Variants in GATA4 observed in about 807,000 individuals in gnomAD.
GATA4 encodes the protein transcription factor GATA-4.
GATA4 carries 7 observed loss-of-function variants against 37.9 expected under a neutral mutation model. The ratio of observed to expected loss-of-function variants is 0.18; its 90% CI spans 0.11 to 0.35. The LOEUF is 0.35. Among genes scored for constraint, GATA4 ranks in the 10% least tolerant of loss-of-function variants. GATA4 has a pLI of 1.00. For missense variants in GATA4, 647 were observed against 653.0 expected (o/e 0.99, Z 0.10); for synonymous variants, 372 against 292.6 (o/e 1.27, Z -2.77).
At chr8:11,754,890 C>G (rs573990164) in intron 4 of GATA4, among the ~76,000 whole-genome samples, 156 bp from the exon 5 acceptor site, 1 of 152,326 alleles carries the variant, frequency 6.6e-6, no homozygotes, top group East Asian at 1.9e-4. Flanking sequence ...ATTTCTTTCT[C>G]GCTGAGTTCC....
In GATA4 at chr8:11,756,970, G is replaced by T. The variant is rs779421943; in HGVS notation, c.1036G>T (p.Gly346Cys). The change falls in exon 6 of 7, where the codon GGT (glycine) becomes TGT (cysteine). Residue 346 changes from glycine (G) to cysteine (C), a missense_variant. Transcript: ENST00000532059. ...CAGTGAGAGCCTTCCTCCCGCCAGC[G>T]GTGCTTCCAGCAACTCCAGCAACGC... is the stretch of plus-strand genomic sequence containing the variant. Reference protein sequence around the residue: ...SGSESLPPASGASSNSSNATT... With the variant: ...SGSESLPPASCASSNSSNATT... The T allele has an allele frequency of 6.2e-7, 1 of 1,614,096 alleles. No homozygotes were observed. Among genetic ancestry groups the T allele is most frequent in the Non-Finnish European group, 8.5e-7 (1 of 1,180,044 alleles).
chr8:11,681,007 C>T (rs1193401297), intron 1 of GATA4: 1 of 943,116 alleles, frequency 1.1e-6, no homozygotes, highest in African/African-American at 1.8e-5. Context: ...CCCGCACCCC[C>T]GAATCCCATA....
chr8:11,708,052 G>T lies in GATA4; in HGVS notation c.-261G>T, dbSNP rs561017894. On this transcript the variant is annotated 5_prime_UTR_variant, in exon 2 of 7. Coordinates refer to ENST00000532059, the MANE Select transcript of GATA4 (RefSeq NM_001308093.3). This position sits in a 1 kb window ranked among gnomAD's most constrained non-coding sequence, Gnocchi z 6.7. The stretch of plus-strand genomic sequence containing the variant: ...TTCAGGCCCTGGGGTGAATTCAGCT[G>T]CTCCTACATCAGCTTCCGGAACCAC... The T allele has an allele frequency of 3.1e-5, 17 of 546,890 alleles. No individual in the cohort carries two copies. The highest frequency in any genetic ancestry group is 5.7e-5 in the Non-Finnish European group (17 of 299,040). The allele number at this position is 546,890 out of a possible 1,614,324, so 33.9% of individuals were successfully genotyped here.
At chr8:11,741,785 G>GA (rs1801752999) in intron 2 of GATA4, among the ~76,000 whole-genome samples, 1 of 152,232 alleles carries the variant, frequency 6.6e-6, no homozygotes, top group South Asian at 2.1e-4. Context: ...AAGTTTCTGA[G>GA]ATCAGACAAG....
intron 1 of GATA4, among the ~76,000 whole-genome samples, chr8:11,693,970 G>T (rs1284652955): frequency 1.3e-5 from 2 of 152,120 alleles, no homozygotes; most frequent in Non-Finnish European, 2.9e-5. Flanking sequence ...AAGAGTACTA[G>T]GTAAAAGAGA....
chr8:11,753,091 G>T (rs375673440), intron 4 of GATA4, among the ~76,000 whole-genome samples: 4 of 152,198 alleles, frequency 2.6e-5, no homozygotes, highest in Admixed American at 6.5e-5. Context: ...GGGCCTCAAA[G>T]AGCTATTTGT....
intron 1 of GATA4, among the ~76,000 whole-genome samples, chr8:11,679,968 C>T (rs1036964999): frequency 1.3e-5 from 2 of 152,228 alleles, no homozygotes; most frequent in Non-Finnish European, 2.9e-5. Flanking sequence ...TTGTTTCTCC[C>T]ACTCCCCGCA....
At position 11,759,880 on chromosome 8, in the gene GATA4, T is replaced by C. The variant is rs1291687171; in HGVS notation, c.*1405T>C. The C allele has an allele frequency of 6.6e-6, 1 of 152,660 alleles. No individual in the cohort carries two copies. Among genetic ancestry groups the C allele is most frequent in the Non-Finnish European group, 1.5e-5 (1 of 68,058 alleles). 9.5% of individuals were successfully genotyped at this position (152,660 alleles called of 1,614,324 possible). A position where few individuals can be genotyped will look rare whatever the true frequency, so the allele number is the denominator to read the frequency against. On this transcript the variant is annotated 3_prime_UTR_variant, in exon 7 of 7. Transcript: ENST00000532059. ...GATTCTGTTTTAATCATCATTTACA[T>C]TGTTTTCTTCCAAAGGCCCCCTCGT...
chr8:11,681,885 G>T (rs1798985295), intron 1 of GATA4, among the ~76,000 whole-genome samples: 1 of 152,174 alleles, frequency 6.6e-6, no homozygotes, highest in South Asian at 2.1e-4. Flanking sequence ...TGCGCCTTCA[G>T]ATGTGGTCTG....
chr8:11,749,173 C>T lies in GATA4; in HGVS notation c.786+88C>T. ...CATCCTCTGGTTTTGAATTTTGGAA[C>T]TTGAGGGTGTGCATCGGGGATTACG... On this transcript the variant is annotated intron_variant, in intron 3 of 6. Coordinates refer to ENST00000532059, the MANE Select transcript of GATA4 (RefSeq NM_001308093.3). The surrounding 1 kb of genome is among the most constrained non-coding windows in gnomAD (Gnocchi z 4.6). 7.3e-7 allele frequency: 1 copy of T among 1,375,888 alleles called. No homozygotes were observed. The highest frequency in any genetic ancestry group is 1.0e-6 in the Non-Finnish European group (1 of 988,106). 85.2% of individuals were successfully genotyped at this position (1,375,888 alleles called of 1,614,324 possible). A position where few individuals can be genotyped will look rare whatever the true frequency, so the allele number is the denominator to read the frequency against.
chr8:11,706,990 T>C (rs1799915619), intron 1 of GATA4, among the ~76,000 whole-genome samples: 1 of 152,152 alleles, frequency 6.6e-6, no homozygotes, highest in Non-Finnish European at 1.5e-5. Context: ...TATAATCAAG[T>C]TCCACAAACT....
intron 2 of GATA4, among the ~76,000 whole-genome samples, chr8:11,716,705 C>T (rs2130120586): frequency 6.6e-6 from 1 of 152,292 alleles, no homozygotes; most frequent in East Asian, 1.9e-4. Flanking sequence ...GCAGTTTTCC[C>T]TCAGGTTATA....
chr8:11,757,667 C>A (rs943019647), intron 6 of GATA4, among the ~76,000 whole-genome samples: 2 of 152,224 alleles, frequency 1.3e-5, no homozygotes, highest in Non-Finnish European at 2.9e-5. Flanking sequence ...ATGCCACTTT[C>A]ATGAGACCCA....
intron 1 of GATA4, among the ~76,000 whole-genome samples, chr8:11,679,329 G>T (rs1798880204): frequency 6.6e-6 from 1 of 152,118 alleles, no homozygotes; most frequent in Non-Finnish European, 1.5e-5. Context: ...GGGGGAGGAA[G>T]GGGACGTTTC....
intron 1 of GATA4, chr8:11,681,322 G>A (rs1234548404): frequency 1.0e-6 from 1 of 985,202 alleles, no homozygotes; most frequent in Non-Finnish European, 1.2e-6. Context: ...ACCACTTCTC[G>A]ACCTGCGCCC....
intron 1 of GATA4, chr8:11,692,942 T>A (rs1386082228): frequency 1.0e-6 from 1 of 984,074 alleles, no homozygotes; most frequent in African/African-American, 1.8e-5. Context: ...AGCGCGCACC[T>A]CATCAATAAG....
chr8:11,678,012 A>AAAT (rs148395155), intron 1 of GATA4, among the ~76,000 whole-genome samples: 3,988 of 141,902 alleles, frequency 0.028, 66 homozygotes, highest in Admixed American at 0.036. Context: ...GGCTGAGTCA[A>AAAT]AATAATAATA....
intron 1 of GATA4, chr8:11,683,191 C>G: frequency 1.1e-6 from 1 of 912,638 alleles, no homozygotes; most frequent in Non-Finnish European, 1.3e-6. Context: ...GCAGCAGGAA[C>G]AATCCATTAG....
Position 11,707,964 on chromosome 8 carries a change from G to A in GATA4, c.-349G>A, listed in dbSNP as rs1457262015. 4 of 345,526 alleles carry A rather than the reference G, an allele frequency of 1.2e-5. No individual in the cohort carries two copies. The highest frequency in any genetic ancestry group is 8.5e-5 in the East Asian group (1 of 11,716). The allele number at this position is 345,526 out of a possible 1,614,324, so 21.4% of individuals were successfully genotyped here. A position where few individuals can be genotyped will look rare whatever the true frequency, so the allele number is the denominator to read the frequency against. Reference sequence around the variant, plus strand: ...TGACGAGTGGGGGACCCGAAGGCTCGTGCGCCACCTCCAGGCCTGGACGCT... The same window carrying A: ...TGACGAGTGGGGGACCCGAAGGCTCATGCGCCACCTCCAGGCCTGGACGCT... On this transcript the variant is annotated 5_prime_UTR_variant, in exon 2 of 7. It adds an upstream start codon to the 5' untranslated region. Coordinates refer to ENST00000532059, the MANE Select transcript of GATA4 (RefSeq NM_001308093.3). The surrounding 1 kb of genome is among the most constrained non-coding windows in gnomAD (Gnocchi z 4.7).
Sources: gnomAD v4.1 joint callset for allele counts (sites outside exome capture counted in the v4.1 genomes callset) on GRCh38, gnomAD v4.1.1 for gene constraint, Gnocchi (gnomAD v3.1) non-coding constraint, MANE v1.5 for transcripts, NCBI Gene and HGNC (gene_info 2026-07-23, HGNC 2026-07-21) for gene names.